NCOA5: variants seen among roughly 807,000 people sequenced by gnomAD.
NCOA5 encodes the protein nuclear receptor coactivator 5.
A neutral mutation model predicts 59.0 loss-of-function variants in NCOA5; 12 were observed. That is an observed-to-expected ratio of 0.20 (90% CI 0.13 to 0.33). NCOA5 has a LOEUF of 0.33. Among genes scored for constraint, NCOA5 ranks in the 10% least tolerant of loss-of-function variants. The pLI is 1.00. For synonymous variants in NCOA5, 270 were observed against 275.5 expected (o/e 0.98, Z 0.20); for missense variants, 655 against 766.6 (o/e 0.85, Z 1.72).
intron 2 of NCOA5, among the ~76,000 whole-genome samples, chr20:46,075,537 C>A (rs1437059768): frequency 1.3e-5 from 2 of 152,218 alleles, no homozygotes; most frequent in East Asian, 1.9e-4. Context: ...ACATCTTTCA[C>A]AAATATATGG....
At chr20:46,072,690 A>G (rs2084895537) in intron 2 of NCOA5, among the ~76,000 whole-genome samples, 1 of 152,178 alleles carries the variant, frequency 6.6e-6, no homozygotes, top group African/African-American at 2.4e-5. Context: ...GAAGAGATCT[A>G]TACTCCTCTT....
intron 1 of NCOA5, among the ~76,000 whole-genome samples, chr20:46,082,925 C>T (rs1007076454): frequency 6.6e-6 from 1 of 152,186 alleles, no homozygotes; most frequent in East Asian, 1.9e-4. Flanking sequence ...ATATGCCAGA[C>T]AGGGGTCACA....
rs1287428566 is a variant in NCOA5 at position 46,062,490 on chromosome 20, G to C, written c.1550C>G (p.Ala517Gly). 1 of 1,614,168 alleles carries C rather than the reference G, an allele frequency of 6.2e-7. No individual in the cohort carries two copies. Among genetic ancestry groups the C allele is most frequent in the Non-Finnish European group, 8.5e-7 (1 of 1,180,018 alleles). ...GLFGQPSSRLAPASNMTSQRP... is the reference protein window; with the variant it reads ...GLFGQPSSRLGPASNMTSQRP... Reference sequence around the variant, plus strand: ...CTGGCTAGTCATGTTGCTAGCAGGTGCCAGGCGACTGGAAGGCTGGCCAAA... The same window carrying C: ...CTGGCTAGTCATGTTGCTAGCAGGTCCCAGGCGACTGGAAGGCTGGCCAAA... The change falls in exon 8 of 8, where the codon GCA (alanine) becomes GGA (glycine). Residue 517 changes from alanine to glycine, a missense_variant. Around this residue, in one of 3 missense-constraint regions of NCOA5, gnomAD observed 325 missense variants for 353.2 expected, o/e 0.92. Transcript: ENST00000290231.
In NCOA5 at chr20:46,086,502, T is replaced by C. The variant is rs193080412; in HGVS notation, c.-30+3315A>G. On this transcript the variant is annotated intron_variant, in intron 1 of 7. Coordinates refer to ENST00000290231, the MANE Select transcript of NCOA5 (RefSeq NM_020967.3). Reference sequence around the variant, plus strand: ...GTCAATATACTTCATATTTCTCTAATGTACTGCTGCTTGAGACAGTGGCTT... The same window carrying C: ...GTCAATATACTTCATATTTCTCTAACGTACTGCTGCTTGAGACAGTGGCTT... Among the ~76,000 whole-genome samples, 389 of 152,338 alleles carry C rather than the reference T, an allele frequency of 2.6e-3. 4 individuals carry two copies. The highest frequency in any genetic ancestry group is 8.9e-3 in the African/African-American group (370 of 41,580).
chr20:46,085,978 G>A (rs1209293669), intron 1 of NCOA5, among the ~76,000 whole-genome samples: 2 of 152,030 alleles, frequency 1.3e-5, no homozygotes, highest in Non-Finnish European at 2.9e-5. Context: ...AATTGAAAAA[G>A]TCATGATTTT....
At chr20:46,063,795 C>T (rs2084793371) in intron 6 of NCOA5, 115 bp from the exon 7 acceptor site, 2 of 1,106,588 alleles carry the variant, frequency 1.8e-6, no homozygotes, top group African/African-American at 3.1e-5. Flanking sequence ...ATTTTGGTGA[C>T]AAAAAGCCTT....
intron 2 of NCOA5, among the ~76,000 whole-genome samples, chr20:46,078,491 T>C (rs1440399898): frequency 2.6e-5 from 4 of 151,616 alleles, no homozygotes; most frequent in Non-Finnish European, 2.9e-5. Flanking sequence ...TTTAGTTATG[T>C]TTCTGGGGAA....
Position 46,070,381 on chromosome 20 carries a change from T to A in NCOA5, c.194A>T (p.His65Leu), listed in dbSNP as rs1367815741. 3 of 1,613,848 alleles carry A rather than the reference T, an allele frequency of 1.9e-6. No individual in the cohort carries two copies. The highest frequency in any genetic ancestry group is 3.3e-5 in the Admixed American group (2 of 59,986). The change falls in exon 3 of 8, where the codon CAT becomes CTT. Residue 65 changes from histidine to leucine, a missense_variant. Physicochemically the swap from His to Leu is moderately conservative, Grantham distance 99 (BLOSUM62 -3). Transcript: ENST00000290231. ...TCTGTGATCCCGCAAATCTCTACTA[T>A]GTCTGTGGTCCCGCAAGTCTCGGGG... is the stretch of plus-strand genomic sequence containing the variant. ...RDPRDLRDHR[H>L]SRDLRDHRDS...
chr20:46,062,358 G>T lies in NCOA5; in HGVS notation c.1682C>A (p.Thr561Asn). ...GPALSHLVSQ[T>N]TAQMGQPQAP... is the part of the protein sequence containing the mutation. ...CTGTGGCTGCCCCATCTGTGCTGTG[G>T]TCTGGCTAACCAGGTGGGAGAGAGC... Residue 561 changes from threonine (T) to asparagine (N), a missense_variant, in exon 8 of 8, where the codon ACC (threonine) becomes AAC (asparagine). Coordinates refer to ENST00000290231, the MANE Select transcript of NCOA5 (RefSeq NM_020967.3). The T allele has an allele frequency of 6.2e-7, 1 of 1,614,126 alleles. No homozygotes were observed. Among genetic ancestry groups the T allele is most frequent in the East Asian group, 2.2e-5 (1 of 44,880 alleles).
At chr20:46,075,025 A>G (rs2084922223) in intron 2 of NCOA5, among the ~76,000 whole-genome samples, 1 of 152,222 alleles carries the variant, frequency 6.6e-6, no homozygotes, top group African/African-American at 2.4e-5. Flanking sequence ...TGTCACAGAT[A>G]TACTGTCCAC....
Position 46,063,888 on chromosome 20 carries a change from C to T in NCOA5, c.830-208G>A, listed in dbSNP as rs1461862108. ...GAACACTTTTGGTGAGGAGATGCACCTTTATATACAGCTGGTTCTTTGGGG... is the reference window on the plus strand; with the variant it reads ...GAACACTTTTGGTGAGGAGATGCACTTTTATATACAGCTGGTTCTTTGGGG... On this transcript the variant is annotated intron_variant, in intron 6 of 7. Coordinates refer to ENST00000290231, the MANE Select transcript of NCOA5 (RefSeq NM_020967.3). Among the ~76,000 whole-genome samples, 5 of 152,214 alleles carry T rather than the reference C, an allele frequency of 3.3e-5. No homozygotes were observed. In the East Asian group the frequency reaches 9.7e-4, roughly 29 times the overall value.
At chr20:46,074,500 T>G (rs1000101064) in intron 2 of NCOA5, among the ~76,000 whole-genome samples, 3 of 152,124 alleles carry the variant, frequency 2.0e-5, no homozygotes, top group African/African-American at 4.8e-5. Flanking sequence ...GTCCACAAAC[T>G]GAAGGCAGGT....
At position 46,070,546 on chromosome 20, in the gene NCOA5, G is replaced by A. The variant is rs1811862515; in HGVS notation, c.39-10C>T. On this transcript the variant is annotated splice_polypyrimidine_tract_variant and intron_variant, in intron 2 of 7. Coordinates refer to ENST00000290231, the MANE Select transcript of NCOA5 (RefSeq NM_020967.3). ...AAAGCCATATGGATCCCTGTGGGAG[G>A]TAGCAAGAAAATGCTAAGACAAAGA... The A allele has an allele frequency of 6.2e-7, 1 of 1,606,968 alleles. No individual in the cohort carries two copies. Among genetic ancestry groups the A allele is most frequent in the African/African-American group, 1.3e-5 (1 of 74,514 alleles).
At chr20:46,064,490 C>A (rs2084800575) in intron 6 of NCOA5, among the ~76,000 whole-genome samples, 1 of 152,200 alleles carries the variant, frequency 6.6e-6, no homozygotes, top group South Asian at 2.1e-4. Context: ...GGCCTCTTAG[C>A]CCCTCTGGTT....
chr20:46,062,854 C>G lies in NCOA5; in HGVS notation c.1186G>C (p.Gly396Arg). 6.6e-7 allele frequency: 1 copy of G among 1,522,308 alleles called. No individual in the cohort carries two copies. Among genetic ancestry groups the G allele is most frequent in the Non-Finnish European group, 8.8e-7 (1 of 1,136,018 alleles). The allele number at this position is 1,522,308 out of a possible 1,614,324, so 94.3% of individuals were successfully genotyped here. Reference protein sequence around the residue: ...ISRQPLGATSGASLKTQPSSQ... With the variant: ...ISRQPLGATSRASLKTQPSSQ... ...CTTGGCTGTGTCTTCAGCGAGGCACCCGAGGTCGCCCCGAGTGGTTGGCGG... is the reference window on the plus strand; with the variant it reads ...CTTGGCTGTGTCTTCAGCGAGGCACGCGAGGTCGCCCCGAGTGGTTGGCGG... The change falls in exon 8 of 8, where the codon GGT (glycine) becomes CGT (arginine). Residue 396 changes from glycine (G) to arginine (R), a missense_variant. By Grantham distance (125) the Gly-to-Arg change is moderately radical. This residue lies in a region of NCOA5 where 325 missense variants were observed against 353.2 expected (regional missense o/e 0.92). Transcript: ENST00000290231.
In NCOA5 at chr20:46,067,612, T is replaced by C. The variant is rs537301855; in HGVS notation, c.503-431A>G. Among the ~76,000 whole-genome samples, 411 of 151,896 alleles carry C rather than the reference T, an allele frequency of 2.7e-3. 5 individuals carry two copies. Among genetic ancestry groups the C allele is most frequent in the African/African-American group, 9.4e-3 (391 of 41,490 alleles). On this transcript the variant is annotated intron_variant, in intron 4 of 7. Coordinates refer to ENST00000290231, the MANE Select transcript of NCOA5 (RefSeq NM_020967.3). The stretch of plus-strand genomic sequence containing the variant: ...AGTAGTAAAGTTTAAAATTAAAAAT[T>C]TAAAAGTTCTTTTTTTAAAAGAAAA...
rs750790957 is a variant in NCOA5 at position 46,062,506 on chromosome 20, G to C, written c.1534C>G (p.Pro512Ala). 1.2e-6 allele frequency: 2 copies of C among 1,614,156 alleles called. No homozygotes were observed. Among genetic ancestry groups the C allele is most frequent in the East Asian group, 4.5e-5 (2 of 44,874 alleles). Residue 512 changes from proline (P) to alanine (A), a missense_variant, in exon 8 of 8, where the codon CCT becomes GCT. Coordinates refer to ENST00000290231, the MANE Select transcript of NCOA5 (RefSeq NM_020967.3). ...CTAGCAGGTGCCAGGCGACTGGAAG[G>C]CTGGCCAAAAAGCCCTTGGGAAGGA... ...GAPSQGLFGQ[P>A]SSRLAPASNM...
intron 1 of NCOA5, among the ~76,000 whole-genome samples, chr20:46,081,492 T>C (rs917973818): frequency 2.6e-5 from 4 of 152,178 alleles, no homozygotes; most frequent in African/African-American, 4.8e-5. Context: ...GGAATCGTTT[T>C]GTAATTACTT....
chr20:46,067,941 T>C (rs1168506626), intron 4 of NCOA5, among the ~76,000 whole-genome samples: 1 of 152,060 alleles, frequency 6.6e-6, no homozygotes, highest in Non-Finnish European at 1.5e-5. Context: ...TTTCTCTTTT[T>C]TTTTTTTGAG....
Sources: allele counts gnomAD v4.1 joint callset (sites outside exome capture counted in the v4.1 genomes callset), GRCh38; gene constraint gnomAD v4.1.1; regional missense constraint gnomAD v4.1.1; transcripts MANE v1.5; gene names NCBI Gene and HGNC (gene_info 2026-07-23, HGNC 2026-07-21).